Variants in ADGRL2 observed in about 807,000 individuals in gnomAD.
ADGRL2 encodes adhesion G protein-coupled receptor L2, also known as calcium-independent alpha-latrotoxin receptor 2.
ADGRL2 carries 44 observed loss-of-function variants against 157.4 expected under a neutral mutation model. That is an observed-to-expected ratio of 0.28 (90% CI 0.22 to 0.36). The LOEUF (loss-of-function observed/expected upper bound fraction) is 0.36. Among genes scored for constraint, ADGRL2 ranks in the 10% least tolerant of loss-of-function variants. ADGRL2 has a pLI of 1.00. For missense variants in ADGRL2, 1,510 were observed against 1,768.9 expected (o/e 0.85, Z 2.63); for synonymous variants, 585 against 624.7 (o/e 0.94, Z 0.95).
intron 21 of ADGRL2, among the ~76,000 whole-genome samples, chr1:81,985,590 A>G (rs1455039755): frequency 6.6e-6 from 1 of 152,028 alleles, no homozygotes; most frequent in Non-Finnish European, 1.5e-5. Context: ...ACATTAATAA[A>G]ATTAGAATAG....
In ADGRL2 at chr1:81,785,761, C is replaced by T. The variant is rs139700492; in HGVS notation, c.-101+23909C>T. ...CGACAACAAAAAATCCTTCCAAAAC[C>T]GAACTAGCATGTTTAATATCAATGA... On this transcript the variant is annotated intron_variant, in intron 2 of 20. Coordinates refer to the ADGRL2 transcript ENST00000359929. Among the ~76,000 whole-genome samples, 712 of 151,928 alleles carry T rather than the reference C, an allele frequency of 4.7e-3. 7 individuals are homozygous for T. Among genetic ancestry groups the T allele is most frequent in the African/African-American group, 0.015 (602 of 41,438 alleles).
intron 1 of ADGRL2, among the ~76,000 whole-genome samples, chr1:81,412,750 T>C (rs1376768698): frequency 1.3e-5 from 2 of 152,208 alleles, no homozygotes; most frequent in Non-Finnish European, 1.5e-5. Flanking sequence ...ATAGATTTAT[T>C]GATGGATGAA....
Position 81,694,756 on chromosome 1 carries a change from T to C in ADGRL2, c.-142-67055T>C, listed in dbSNP as rs111447232. On this transcript the variant is annotated intron_variant, in intron 3 of 24. Transcript: ENST00000370721. ...AGGTTCGTCTTCCCATTGTAATGAA[T>C]TACTGTAATGCTACTGTGCTGTGGC... Among the ~76,000 whole-genome samples, 688 of 152,298 alleles carry C rather than the reference T, an allele frequency of 4.5e-3. 8 individuals are homozygous for C. The highest frequency in any genetic ancestry group is 0.016 in the African/African-American group (646 of 41,564).
intron 1 of ADGRL2, among the ~76,000 whole-genome samples, chr1:81,423,205 T>C (rs1260258706): frequency 6.6e-6 from 1 of 152,216 alleles, no homozygotes; most frequent in Non-Finnish European, 1.5e-5. Flanking sequence ...AAGATAACAA[T>C]TTTGACAAAA....
intron 1 of ADGRL2, among the ~76,000 whole-genome samples, chr1:81,442,810 A>G (rs1442233853): frequency 6.6e-6 from 1 of 152,176 alleles, no homozygotes; most frequent in Non-Finnish European, 1.5e-5. Flanking sequence ...TCCATTTCCC[A>G]TCTACCATTT....
intron 2 of ADGRL2, among the ~76,000 whole-genome samples, chr1:81,518,308 T>C (rs1427119429): frequency 4.6e-5 from 7 of 152,240 alleles, no homozygotes; most frequent in Non-Finnish European, 1.0e-4. Context: ...GTCCTCATCG[T>C]GTCTGATCAC....
chr1:81,904,611 TAAAAC>T (rs1201275000), intron 2 of ADGRL2, among the ~76,000 whole-genome samples: 1 of 152,122 alleles, frequency 6.6e-6, no homozygotes. Context: ...AACCCAGTCT[TAAAAC>T]AAAAACTTTG....
At chr1:81,607,630 C>G (rs1317226621) in intron 3 of ADGRL2, among the ~76,000 whole-genome samples, 1 of 152,146 alleles carries the variant, frequency 6.6e-6, no homozygotes, top group Non-Finnish European at 1.5e-5. Context: ...TTATTTTTAA[C>G]TTTTGCCTCA....
At chr1:81,765,446 G>A (rs1310616153) in intron 2 of ADGRL2, among the ~76,000 whole-genome samples, 1 of 151,930 alleles carries the variant, frequency 6.6e-6, no homozygotes, top group Non-Finnish European at 1.5e-5. Context: ...TGATTTGTAA[G>A]TGTGCTAATT....
At chr1:81,818,310 A>G (rs2090627038) in intron 1 of ADGRL2, among the ~76,000 whole-genome samples, 1 of 152,122 alleles carries the variant, frequency 6.6e-6, no homozygotes, top group Admixed American at 6.6e-5. Flanking sequence ...TTTTTTACAG[A>G]TAAGGTCTTG....
chr1:81,759,352 A>G (rs988461306), intron 1 of ADGRL2, among the ~76,000 whole-genome samples: 2 of 152,138 alleles, frequency 1.3e-5, no homozygotes, highest in African/African-American at 4.8e-5. Context: ...CAGGATAAAA[A>G]TGATTGCTAT....
intron 3 of ADGRL2, among the ~76,000 whole-genome samples, chr1:81,638,992 C>A (rs943359720): frequency 2.6e-5 from 4 of 152,164 alleles, no homozygotes; most frequent in Admixed American, 1.3e-4. Flanking sequence ...GGCAGTGAGA[C>A]CCTGTCTCAA....
chr1:81,871,763 C>T (rs1223614409), intron 2 of ADGRL2, among the ~76,000 whole-genome samples: 1 of 152,114 alleles, frequency 6.6e-6, no homozygotes, highest in Non-Finnish European at 1.5e-5. Context: ...ATATCCTTTG[C>T]CCACTTTTTG....
intron 3 of ADGRL2, among the ~76,000 whole-genome samples, chr1:81,926,148 T>G (rs549298316): frequency 6.6e-6 from 1 of 151,984 alleles, no homozygotes; most frequent in East Asian, 1.9e-4. Flanking sequence ...CTTTAAGAAG[T>G]AAATAATTAC....
intron 3 of ADGRL2, among the ~76,000 whole-genome samples, chr1:81,609,196 C>T (rs190027575): frequency 6.6e-6 from 1 of 152,142 alleles, no homozygotes; most frequent in East Asian, 1.9e-4. Context: ...CGTGCCACCA[C>T]ACCTGGCTAA....
At chr1:81,332,729 A>T (rs1427466434) in intron 1 of ADGRL2, among the ~76,000 whole-genome samples, 1 of 152,194 alleles carries the variant, frequency 6.6e-6, no homozygotes, top group Non-Finnish European at 1.5e-5. Flanking sequence ...TACCCCTAAC[A>T]TATGTGCCTT....
chr1:81,774,973 A>G (rs1266224581), intron 2 of ADGRL2, among the ~76,000 whole-genome samples: 1 of 152,192 alleles, frequency 6.6e-6, no homozygotes, highest in Non-Finnish European at 1.5e-5. Context: ...GTCCCCTTCA[A>G]TATGTCCCTA....
intron 1 of ADGRL2, among the ~76,000 whole-genome samples, chr1:81,721,173 G>C (rs909477318): frequency 6.7e-6 from 1 of 150,290 alleles, no homozygotes; most frequent in African/African-American, 2.5e-5. Flanking sequence ...CACCCCGCCA[G>C]ATTTAAACAA....
intron 1 of ADGRL2, among the ~76,000 whole-genome samples, chr1:81,711,987 A>T (rs1395138056): frequency 2.6e-5 from 4 of 152,206 alleles, no homozygotes; most frequent in Non-Finnish European, 5.9e-5. Flanking sequence ...AATATATCTG[A>T]GTGTGATCCT....
Sources: gnomAD v4.1 joint callset for allele counts (sites outside exome capture counted in the v4.1 genomes callset) on GRCh38, gnomAD v4.1.1 for gene constraint, MANE v1.5 for transcripts, NCBI Gene and HGNC (gene_info 2026-07-23, HGNC 2026-07-21) for gene names.